The following CXCL12 variants were observed in gnomAD, a reference collection of about 807,000 sequenced individuals.
CXCL12 encodes stromal cell-derived factor 1.
A neutral mutation model predicts 10.7 loss-of-function variants in CXCL12; 4 were observed. The ratio of observed to expected loss-of-function variants is 0.37; its 90% confidence interval spans 0.18 to 0.86. CXCL12 has a LOEUF of 0.86. Ranked by LOEUF, CXCL12 falls within the 40% of genes least tolerant of loss-of-function variation. CXCL12 has a pLI of 0.43. For missense variants in CXCL12, 122 were observed against 110.4 expected (o/e 1.10, Z -0.47); for synonymous variants, 54 against 45.4 (o/e 1.19, Z -0.77).
At chr10:44,380,982 CG>C in intron 1 of CXCL12, 102 bp from the exon 2 acceptor site, 2 of 927,490 alleles carry the variant, frequency 2.2e-6, no homozygotes, top group African/African-American at 1.6e-5. Flanking sequence ...GATCAAGAGA[CG>C]GCATCACTGG....
downstream of CXCL12, among the ~76,000 whole-genome samples, chr10:44,375,031 A>G (rs903803583): frequency 2.6e-5 from 4 of 152,224 alleles, no homozygotes; most frequent in African/African-American, 9.6e-5. Context: ...CCCATGAATG[A>G]GGACAGAGGC....
downstream of CXCL12, chr10:44,373,429 G>C: frequency 8.4e-7 from 1 of 1,186,462 alleles, no homozygotes; most frequent in Non-Finnish European, 1.2e-6. Flanking sequence ...CCTGCGCGGA[G>C]GCCCTGGGGC....
chr10:44,378,865 C>A (rs1839543745), intron 2 of CXCL12, 142 bp from the exon 3 acceptor site: 2 of 777,296 alleles, frequency 2.6e-6, no homozygotes, highest in Non-Finnish European at 4.3e-6. Context: ...TCCAGAGGTG[C>A]TCGCGGTGTG....
rs759004579 is a variant in CXCL12, at chr10:44,380,818, C to T, written c.124G>A (p.Ala42Thr). ...CRFFESHVAR[A>T]NVKHLKILNT... is the part of the protein sequence containing the mutation. ...AGAATTTTGAGATGCTTGACGTTGG[C>T]TCTGGCAACATGGCTTTCGAAGAAT... The change falls in exon 2 of 3, where the codon GCC (alanine) becomes ACC (threonine). Residue 42 changes from alanine to threonine, a missense_variant. By Grantham distance (58) the Ala-to-Thr change is moderately conservative. Transcript: ENST00000343575. 6.2e-7 allele frequency: 1 copy of T among 1,614,218 alleles called. No homozygotes were observed. Among genetic ancestry groups the T allele is most frequent in the South Asian group, 1.1e-5 (1 of 91,088 alleles).
chr10:44,382,854 T>G (rs1839673215), intron 1 of CXCL12, among the ~76,000 whole-genome samples: 1 of 152,240 alleles, frequency 6.6e-6, no homozygotes. Flanking sequence ...GTGTACCTCA[T>G]GTGCTCCTTC....
At chr10:44,374,532 G>C (rs1474647633), downstream of CXCL12, 1 of 456,088 alleles carries the variant, frequency 2.2e-6, no homozygotes, top group Non-Finnish European at 4.4e-6. Context: ...GAGGAACGTG[G>C]GCCAGGAGAG....
chr10:44,379,758 T>C (rs1211304123), intron 2 of CXCL12, among the ~76,000 whole-genome samples: 1 of 152,234 alleles, frequency 6.6e-6, no homozygotes, highest in Non-Finnish European at 1.5e-5. Flanking sequence ...AGGTCCAAGG[T>C]AGCTAAATTG....
chr10:44,377,066 C>T (rs1265292719), downstream of CXCL12: 1 of 984,748 alleles, frequency 1.0e-6, no homozygotes, highest in Non-Finnish European at 1.2e-6. Context: ...CGTCTATAAG[C>T]TCCATCACTA....
chr10:44,378,782 G>T, intron 2 of CXCL12, 59 bp from the exon 3 acceptor site: 2 of 1,538,830 alleles, frequency 1.3e-6, no homozygotes, highest in Non-Finnish European at 1.8e-6. Flanking sequence ...CGGCTGCAAC[G>T]TGTGCATCCG....
At chr10:44,382,632 G>A (rs1378227609) in intron 1 of CXCL12, among the ~76,000 whole-genome samples, 3 of 152,066 alleles carry the variant, frequency 2.0e-5, no homozygotes, top group African/African-American at 7.2e-5. Context: ...AAGCAGTGGT[G>A]ATGAGGCCAG....
downstream of CXCL12, chr10:44,374,753 T>G: frequency 2.3e-6 from 1 of 444,266 alleles, no homozygotes; most frequent in Non-Finnish European, 4.6e-6. Context: ...CTCCAACCAC[T>G]TTCTCTTTCT....
chr10:44,371,720 T>G (rs1839317786), downstream of CXCL12: 1 of 152,662 alleles, frequency 6.6e-6, no homozygotes, highest in Non-Finnish European at 1.5e-5. Flanking sequence ...TACTTCCTAC[T>G]TCCTACATGT....
Position 44,377,801 on chromosome 10 carries a change from ATC to A in CXCL12, c.*830_*831del. 1 of 1,598,116 alleles carries A rather than the reference ATC, an allele frequency of 6.3e-7. No individual in the cohort carries two copies. The highest frequency in any genetic ancestry group is 8.5e-7 in the Non-Finnish European group (1 of 1,179,724). On this transcript the variant is annotated 3_prime_UTR_variant, in exon 3 of 3. Coordinates refer to ENST00000343575, the MANE Select transcript of CXCL12 (RefSeq NM_199168.4). ...CCATTCTGGAGGAGGCCAAAGACGGATCTCACAGAGGGCCCGAGCTGTGGGGC... is the reference window on the plus strand; with the variant it reads ...CCATTCTGGAGGAGGCCAAAGACGGATCACAGAGGGCCCGAGCTGTGGGGC...
chr10:44,384,934 A>G lies in CXCL12; in HGVS notation c.61+11T>C. The G allele has an allele frequency of 6.9e-7, 1 of 1,448,496 alleles. No homozygotes were observed. Among genetic ancestry groups the G allele is most frequent in the South Asian group, 1.2e-5 (1 of 83,820 alleles). 89.7% of individuals were successfully genotyped at this position (1,448,496 alleles called of 1,614,324 possible). ...GAGCCTCGCCAGGGCCTCCCCGCCG[A>G]GCGCACTTACCGTCGCTGAGGCAGA... On this transcript the variant is annotated intron_variant, in intron 1 of 2. Coordinates refer to ENST00000343575, the MANE Select transcript of CXCL12 (RefSeq NM_199168.4).
At chr10:44,374,829 A>G, downstream of CXCL12, 1 of 375,708 alleles carries the variant, frequency 2.7e-6, no homozygotes, top group Non-Finnish European at 5.3e-6. Context: ...TGAGGTGGAG[A>G]AGGGCTGAGA....
In CXCL12 at chr10:44,378,711, C is replaced by A; in HGVS notation, c.192G>T (p.Lys64Asn). 2 of 1,614,204 alleles carry A rather than the reference C, an allele frequency of 1.2e-6. No homozygotes were observed. The highest frequency in any genetic ancestry group is 1.7e-6 in the Non-Finnish European group (2 of 1,180,038). ...NCALQIVARL[K>N]NNNRQVCIDP... is the part of the protein sequence containing the mutation. ...CAATGCACACTTGTCTGTTGTTGTTCTTCAGCCGGGCTCTGTGAAAACAGA... is the reference window on the plus strand; with the variant it reads ...CAATGCACACTTGTCTGTTGTTGTTATTCAGCCGGGCTCTGTGAAAACAGA... Residue 64 changes from lysine (K) to asparagine (N), a missense_variant, in exon 3 of 3, where the codon AAG (lysine) becomes AAT (asparagine). Transcript: ENST00000343575.
At chr10:44,376,098 A>C, downstream of CXCL12, 1 of 1,569,266 alleles carries the variant, frequency 6.4e-7, no homozygotes, top group South Asian at 1.1e-5. Flanking sequence ...CAGTCTGCAT[A>C]AGATTTAACA....
intron 2 of CXCL12, 28 bp from the exon 3 acceptor site, chr10:44,378,751 C>T (rs763715029): frequency 4.3e-6 from 7 of 1,610,938 alleles, no homozygotes; most frequent in Non-Finnish European, 5.1e-6. Context: ...CAACAGTGTG[C>T]GGCTGCACAG....
In CXCL12 at chr10:44,377,334, CA is replaced by C; in HGVS notation, c.*1298del. On this transcript the variant is annotated 3_prime_UTR_variant, in exon 3 of 3. Transcript: ENST00000343575. ...TACTGACATTCATATGGCTCCACTT[CA>C]AATATATGAATTGTTCGACTATAAA... 9.6e-7 allele frequency: 1 copy of C among 1,039,170 alleles called. No homozygotes were observed. The highest frequency in any genetic ancestry group is 1.2e-6 in the Non-Finnish European group (1 of 862,572). The allele number at this position is 1,039,170 out of a possible 1,614,324, so 64.4% of individuals were successfully genotyped here.
Sources: allele counts gnomAD v4.1 joint callset (sites outside exome capture counted in the v4.1 genomes callset), GRCh38; gene constraint gnomAD v4.1.1; transcripts MANE v1.5; gene names NCBI Gene and HGNC (gene_info 2026-07-23, HGNC 2026-07-21).